The following LHPP variants were observed in gnomAD, a reference collection of about 807,000 sequenced individuals.
The protein encoded by LHPP is hLHPP.
Under a neutral mutation model 30.3 loss-of-function variants are expected in LHPP, and 24 were observed. The observed-to-expected ratio is 0.79, with a 90% CI of 0.57 to 1.11. The LOEUF (loss-of-function observed/expected upper bound fraction) is 1.11. Among genes scored for constraint, LHPP ranks in the 50% most tolerant of loss-of-function variants. The probability of loss-of-function intolerance (pLI) is 0.00; values close to 1 mark genes in which losing one functional copy is unlikely to be tolerated. For synonymous variants in LHPP, 150 were observed against 157.1 expected (o/e 0.95, Z 0.34); for missense variants, 356 against 367.2 (o/e 0.97, Z 0.25).
chr10:124,484,615 A>C (rs1043124907), intron 2 of LHPP, among the ~76,000 whole-genome samples: 3 of 151,460 alleles, frequency 2.0e-5, no homozygotes, highest in East Asian at 1.9e-4. Context: ...AGGATGGACC[A>C]AGCGGCCAGG....
At chr10:124,539,880 C>T (rs1346010597) in intron 6 of LHPP, among the ~76,000 whole-genome samples, 2 of 152,044 alleles carry the variant, frequency 1.3e-5, no homozygotes, top group East Asian at 1.9e-4. Context: ...CCAGCCTGGG[C>T]GACAGAGCGA....
chr10:124,519,159 G>A (rs112772757), intron 6 of LHPP, among the ~76,000 whole-genome samples: 11,396 of 152,130 alleles, frequency 0.075, 636 homozygotes, highest in South Asian at 0.25. Context: ...TGTTGGCCAG[G>A]CTGGTCTCGA....
Position 124,577,042 on chromosome 10 carries a change from C to T in LHPP, c.717-36222C>T, listed in dbSNP as rs188798020. On this transcript the variant is annotated intron_variant, in intron 6 of 6. Coordinates refer to ENST00000368842, the MANE Select transcript of LHPP (RefSeq NM_022126.4). The stretch of plus-strand genomic sequence containing the variant: ...AAACCGAATAATAGAGTCTACTGAG[C>T]GCATACTCAGTCTTTCCAGACCCTA... 2.5e-3 allele frequency among the ~76,000 whole-genome samples: 375 copies of T among 152,338 alleles called. 2 individuals are homozygous for T. Among genetic ancestry groups the T allele is most frequent in the Admixed American group, 9.9e-3 (152 of 15,304 alleles).
chr10:124,544,221 G>A (rs925716068), intron 6 of LHPP, among the ~76,000 whole-genome samples: 5 of 65,100 alleles, frequency 7.7e-5, no homozygotes, highest in Admixed American at 2.5e-4. Context: ...GGAGGCCTCC[G>A]TCCGCCCCCA....
chr10:124,482,598 G>A (rs1249008844), intron 1 of LHPP, among the ~76,000 whole-genome samples: 1 of 152,042 alleles, frequency 6.6e-6, no homozygotes, highest in Non-Finnish European at 1.5e-5. Flanking sequence ...AGGGAGCCAG[G>A]TCCTGCCTGT....
intron 1 of LHPP, among the ~76,000 whole-genome samples, chr10:124,466,981 G>A (rs567414210): frequency 3.3e-5 from 5 of 151,780 alleles, no homozygotes; most frequent in South Asian, 2.1e-4. Context: ...AAAATTAGCC[G>A]GGCATGGTGG....
intron 6 of LHPP, among the ~76,000 whole-genome samples, chr10:124,531,391 T>G (rs1954900597): frequency 6.6e-6 from 1 of 152,226 alleles, no homozygotes; most frequent in Admixed American, 6.5e-5. Flanking sequence ...CAAATAATTT[T>G]TCAGATTTCC....
intron 6 of LHPP, among the ~76,000 whole-genome samples, chr10:124,525,633 A>G (rs1197846919): frequency 1.3e-5 from 2 of 152,334 alleles, no homozygotes; most frequent in Non-Finnish European, 2.9e-5. Flanking sequence ...ATGGCTCAGC[A>G]GGTGAACATG....
intron 3 of LHPP, among the ~76,000 whole-genome samples, chr10:124,493,248 AAC>A (rs372086585): frequency 9.2e-5 from 14 of 152,248 alleles, no homozygotes; most frequent in African/African-American, 3.1e-4. Flanking sequence ...GGTGTTTAAA[AAC>A]CAGAGAAAGG....
Position 124,541,401 on chromosome 10 carries a change from T to G in LHPP, c.716+24130T>G, listed in dbSNP as rs1955185526. Among the ~76,000 whole-genome samples the G allele has an allele frequency of 6.6e-6, 1 of 152,226 alleles. No individual in the cohort carries two copies. Among genetic ancestry groups the G allele is most frequent in the Non-Finnish European group, 1.5e-5 (1 of 68,034 alleles). The stretch of plus-strand genomic sequence containing the variant: ...CTCTCTGCCTTGCAAGAACATTGCC[T>G]GTGGCTCAAAATGGCCACATGGGAT... On this transcript the variant is annotated intron_variant, in intron 6 of 6. Coordinates refer to ENST00000368842, the MANE Select transcript of LHPP (RefSeq NM_022126.4). This position sits in a 1 kb window ranked among gnomAD's most constrained non-coding sequence, Gnocchi z 4.2.
At chr10:124,519,321 G>T (rs1449783828) in intron 6 of LHPP, among the ~76,000 whole-genome samples, 1 of 152,162 alleles carries the variant, frequency 6.6e-6, no homozygotes, top group Non-Finnish European at 1.5e-5. Context: ...AAACAGACTG[G>T]TAATATTTTG....
intron 6 of LHPP, among the ~76,000 whole-genome samples, chr10:124,530,032 A>G (rs1201574494): frequency 6.6e-6 from 1 of 152,102 alleles, no homozygotes; most frequent in African/African-American, 2.4e-5. Flanking sequence ...ACCCGCATGC[A>G]TCCCATGAGG....
At chr10:124,579,652 C>A (rs1589689888) in intron 6 of LHPP, among the ~76,000 whole-genome samples, 1 of 152,250 alleles carries the variant, frequency 6.6e-6, no homozygotes, top group Non-Finnish European at 1.5e-5. Context: ...AATATGGTCA[C>A]CTTGGGGAGT....
chr10:124,581,770 C>T (rs756706395), intron 6 of LHPP, among the ~76,000 whole-genome samples: 14 of 33,274 alleles, frequency 4.2e-4, no homozygotes, highest in East Asian at 7.3e-4. Context: ...TATGTATATA[C>T]ACACACACAC....
chr10:124,538,106 GCGAGTCTCACCATGCAGGGTCACCACA>G (rs1564817422), intron 6 of LHPP, among the ~76,000 whole-genome samples: 4 of 152,086 alleles, frequency 2.6e-5, no homozygotes, highest in Non-Finnish European at 4.4e-5. Flanking sequence ...GGGTCACCAT[GCGAGTCTCACCATGCAGGGTCACCACA>G]CGAGTCTCAC....
intron 6 of LHPP, among the ~76,000 whole-genome samples, chr10:124,608,489 A>G (rs1949124630): frequency 6.6e-6 from 1 of 152,198 alleles, no homozygotes; most frequent in Non-Finnish European, 1.5e-5. Flanking sequence ...GGTGCATGCT[A>G]TTATGACCTC....
intron 6 of LHPP, among the ~76,000 whole-genome samples, chr10:124,524,423 C>T (rs768859275): frequency 5.3e-5 from 8 of 151,830 alleles, no homozygotes; most frequent in Non-Finnish European, 8.8e-5. Context: ...ATTATAGCCA[C>T]GCACCACCAT....
chr10:124,601,925 C>T (rs1004863389), intron 6 of LHPP, among the ~76,000 whole-genome samples: 1 of 152,192 alleles, frequency 6.6e-6, no homozygotes, highest in African/African-American at 2.4e-5. Flanking sequence ...CTACCAGGCC[C>T]TGCGTGCACT....
intron 5 of LHPP, among the ~76,000 whole-genome samples, chr10:124,514,983 A>G (rs1954409869): frequency 6.6e-6 from 1 of 151,640 alleles, no homozygotes; most frequent in Non-Finnish European, 1.5e-5. Context: ...TTAAATTTTT[A>G]TAGAGACAGG....
Sources: gnomAD v4.1 joint callset for allele counts (sites outside exome capture counted in the v4.1 genomes callset) on GRCh38, gnomAD v4.1.1 for gene constraint, Gnocchi (gnomAD v3.1) non-coding constraint, MANE v1.5 for transcripts, NCBI Gene and HGNC (gene_info 2026-07-23, HGNC 2026-07-21) for gene names.